The following ZNF583 variants were observed in gnomAD, a reference collection of about 807,000 sequenced individuals.
The protein encoded by ZNF583 is zinc finger protein 583.
A neutral mutation model predicts 55.3 loss-of-function variants in ZNF583; 30 were observed. The ratio of observed to expected loss-of-function variants is 0.54; its 90% CI spans 0.41 to 0.74. ZNF583 has a LOEUF of 0.74. Ranked by LOEUF, ZNF583 falls within the 30% of genes least tolerant of loss-of-function variation. The pLI, the probability that ZNF583 is intolerant of heterozygous loss-of-function variation, is 0.00. For missense variants in ZNF583, 504 were observed against 664.7 expected, an observed-to-expected ratio of 0.76 and a Z score of 2.66; for synonymous variants, 208 against 220.0, an observed-to-expected ratio of 0.95 and a Z score of 0.48.
At chr19:56,417,221 G>T (rs2042340785) in intron 4 of ZNF583, among the ~76,000 whole-genome samples, 1 of 152,168 alleles carries the variant, frequency 6.6e-6, no homozygotes, top group African/African-American at 2.4e-5. Flanking sequence ...TAAGATGGAA[G>T]AACTGAGTTA....
At chr19:56,409,886 A>G (rs1266949913) in intron 2 of ZNF583, among the ~76,000 whole-genome samples, 2 of 151,604 alleles carry the variant, frequency 1.3e-5, no homozygotes, top group African/African-American at 4.9e-5. Context: ...TGGTTAAGTC[A>G]GGTATTTTTC....
intron 4 of ZNF583, among the ~76,000 whole-genome samples, chr19:56,415,786 G>A (rs2042312077): frequency 6.6e-6 from 1 of 151,986 alleles, no homozygotes; most frequent in Non-Finnish European, 1.5e-5. Context: ...GGCTGGTCTT[G>A]AACTTGTGAC....
At chr19:56,421,372 A>G (rs1366083910) in intron 4 of ZNF583, 2 of 666,336 alleles carry the variant, frequency 3.0e-6, no homozygotes, top group African/African-American at 2.0e-5. Context: ...CAGTCATTTC[A>G]TATTTCTTTT....
At chr19:56,420,173 T>G (rs964857308) in intron 4 of ZNF583, among the ~76,000 whole-genome samples, 2 of 152,216 alleles carry the variant, frequency 1.3e-5, no homozygotes, top group African/African-American at 2.4e-5. Flanking sequence ...TTCTCTTGTA[T>G]ACTCTGACCC....
In ZNF583 at chr19:56,426,812, G is replaced by C. The variant is rs1012219026; in HGVS notation, c.*2444G>C. The C allele has an allele frequency of 7.2e-5, 11 of 152,132 alleles. No individual in the cohort carries two copies. The East Asian group carries it at 2.1e-3, about 29-fold the overall frequency. 9.4% of individuals were successfully genotyped at this position (152,132 alleles called of 1,614,324 possible). ...GCATGAGTTTGTACAAACTCTGGTA[G>C]GCAATTTGTCAACTTCAGAATTTTA... On this transcript the variant is annotated 3_prime_UTR_variant, in exon 5 of 5. Transcript: ENST00000333201.
chr19:56,405,204 G>GT (rs2042127428), intron 1 of ZNF583, among the ~76,000 whole-genome samples: 1 of 152,194 alleles, frequency 6.6e-6, no homozygotes, highest in East Asian at 1.9e-4. Flanking sequence ...GACTAAGATT[G>GT]TATGTGACAG....
intron 4 of ZNF583, chr19:56,421,349 C>A: frequency 6.8e-6 from 3 of 440,562 alleles, no homozygotes; most frequent in Non-Finnish European, 9.0e-6. Context: ...TTAATTAGAT[C>A]ATTGCTCCTT....
Position 56,423,314 on chromosome 19 carries a change from A to AAGT in ZNF583, c.657_659dup (p.Val220dup). 6.2e-7 allele frequency: 1 copy of AAGT among 1,611,476 alleles called. No homozygotes were observed. Among genetic ancestry groups the AAGT allele is most frequent in the Non-Finnish European group, 8.5e-7 (1 of 1,179,310 alleles). ...CTTTTGAAATGTAATGATTGTGAGA[A>AAGT]AGTCTTCAACCAGAGCTCATCCCTT... On this transcript the variant is annotated inframe_insertion, in exon 5 of 5. Coordinates refer to ENST00000333201, the MANE Select transcript of ZNF583 (RefSeq NM_152478.3).
intron 2 of ZNF583, among the ~76,000 whole-genome samples, chr19:56,409,612 G>A (rs1429556281): frequency 6.6e-6 from 1 of 151,986 alleles, no homozygotes; most frequent in Non-Finnish European, 1.5e-5. Context: ...CCAAGTAGCT[G>A]GGTTACAGGT....
chr19:56,424,237 A>G lies in ZNF583; in HGVS notation c.1579A>G (p.Lys527Glu), dbSNP rs1489318111. Residue 527 changes from lysine (K) to glutamate (E), a missense_variant, in exon 5 of 5, where the codon AAA becomes GAA. Lys to Glu is a moderately conservative substitution (Grantham distance 56). This residue lies in a region of ZNF583 where 63 missense variants were observed against 56.5 expected (regional missense o/e 1.11). Coordinates refer to ENST00000333201, the MANE Select transcript of ZNF583 (RefSeq NM_152478.3). ...ACCCTATGAATGTAAAGATTGCAGG[A>G]AATCTTTCAGGCAGCGTGCACATCT... ...ERPYECKDCR[K>E]SFRQRAHLAH... 2 of 1,613,870 alleles carry G rather than the reference A, an allele frequency of 1.2e-6. No homozygotes were observed. The highest frequency in any genetic ancestry group is 1.7e-6 in the Non-Finnish European group (2 of 1,179,976).
At position 56,424,482 on chromosome 19, in the gene ZNF583, C is replaced by T. The variant is rs1201606465; in HGVS notation, c.*114C>T. The T allele has an allele frequency of 1.7e-5, 10 of 595,974 alleles. No homozygotes were observed. Among genetic ancestry groups the T allele is most frequent in the Admixed American group, 3.0e-5 (1 of 33,042 alleles). The allele number at this position is 595,974 out of a possible 1,614,324, so 36.9% of individuals were successfully genotyped here. A position where few individuals can be genotyped will look rare whatever the true frequency, so the allele number is the denominator to read the frequency against. The stretch of plus-strand genomic sequence containing the variant: ...TAGCTTTCTAATTGGTCTCCTTGTA[C>T]TCACCATTGTCTCTGTCAGATGTCC... On this transcript the variant is annotated 3_prime_UTR_variant, in exon 5 of 5. Coordinates refer to ENST00000333201, the MANE Select transcript of ZNF583 (RefSeq NM_152478.3).
chr19:56,421,732 G>A (rs1352157739), intron 4 of ZNF583, among the ~76,000 whole-genome samples: 1 of 152,050 alleles, frequency 6.6e-6, no homozygotes, highest in Non-Finnish European at 1.5e-5. Flanking sequence ...ATCTGTCCAG[G>A]CTATTTTAGG....
intron 2 of ZNF583, among the ~76,000 whole-genome samples, chr19:56,412,904 C>G (rs535185574): frequency 5.3e-5 from 8 of 152,106 alleles, no homozygotes; most frequent in African/African-American, 1.9e-4. Flanking sequence ...GATTCAGATA[C>G]CTTTTTGTTT....
chr19:56,422,534 T>A (rs1010372473), intron 4 of ZNF583, among the ~76,000 whole-genome samples: 3 of 152,156 alleles, frequency 2.0e-5, no homozygotes, highest in African/African-American at 7.2e-5. Context: ...GAGTTTTTAA[T>A]CATATTAACA....
At chr19:56,409,238 G>C (rs2042201851) in intron 2 of ZNF583, among the ~76,000 whole-genome samples, 1 of 152,120 alleles carries the variant, frequency 6.6e-6, no homozygotes. Context: ...TTGTATTCCT[G>C]ACTCTTAGAA....
Position 56,424,006 on chromosome 19 carries a change from T to A in ZNF583, c.1348T>A (p.Ser450Thr). 1 of 1,614,024 alleles carries A rather than the reference T, an allele frequency of 6.2e-7. No individual in the cohort carries two copies. Among genetic ancestry groups the A allele is most frequent in the South Asian group, 1.1e-5 (1 of 91,078 alleles). Residue 450 changes from serine (S) to threonine (T), a missense_variant, in exon 5 of 5, where the codon TCA (serine) becomes ACA (threonine). Around this residue, in one of 3 missense-constraint regions of ZNF583, gnomAD observed 237 missense variants for 373.0 expected, o/e 0.64. Transcript: ENST00000333201. ...ECGKAFSNSSSLAQHQRSHTG... is the reference protein window; with the variant it reads ...ECGKAFSNSSTLAQHQRSHTG... The stretch of plus-strand genomic sequence containing the variant: ...TGGGAAGGCCTTTAGCAATAGTTCA[T>A]CACTTGCACAACATCAGAGAAGTCA...
At chr19:56,420,296 T>G (rs2147602256) in intron 4 of ZNF583, among the ~76,000 whole-genome samples, 1 of 152,332 alleles carries the variant, frequency 6.6e-6, no homozygotes, top group Non-Finnish European at 1.5e-5. Context: ...CATACTCATC[T>G]TGGTTTCGGT....
At position 56,404,339 on chromosome 19, in the gene ZNF583, C is replaced by G. The variant is rs931950659; in HGVS notation, c.-203C>G. Reference sequence around the variant, plus strand: ...GCCCCTGCGGCCTGCCCTAGGGCTGCGGCGCCTTTGTGAGCGCGGCCGCCG... The same window carrying G: ...GCCCCTGCGGCCTGCCCTAGGGCTGGGGCGCCTTTGTGAGCGCGGCCGCCG... On this transcript the variant is annotated 5_prime_UTR_variant, in exon 1 of 5. Coordinates refer to ENST00000333201, the MANE Select transcript of ZNF583 (RefSeq NM_152478.3). The surrounding 1 kb of genome is among the most constrained non-coding windows in gnomAD (Gnocchi z 5.2). 4 of 151,780 alleles carry G rather than the reference C, an allele frequency of 2.6e-5. No individual in the cohort carries two copies. The highest frequency in any genetic ancestry group is 9.8e-5 in the African/African-American group (4 of 40,866). The allele number at this position is 151,780 out of a possible 1,614,324, so 9.4% of individuals were successfully genotyped here.
At chr19:56,405,413 C>G (rs1407863252) in intron 1 of ZNF583, among the ~76,000 whole-genome samples, 1 of 152,054 alleles carries the variant, frequency 6.6e-6, no homozygotes, top group Non-Finnish European at 1.5e-5. Context: ...GAATGAGAAA[C>G]TATGTGGTTT....
Sources: allele counts gnomAD v4.1 joint callset (sites outside exome capture counted in the v4.1 genomes callset), GRCh38; gene constraint gnomAD v4.1.1; regional missense constraint gnomAD v4.1.1; non-coding constraint Gnocchi (gnomAD v3.1); transcripts MANE v1.5; gene names NCBI Gene and HGNC (gene_info 2026-07-23, HGNC 2026-07-21).